The following IQCH variants were observed in gnomAD, a reference collection of about 807,000 sequenced individuals.
IQCH encodes IQ motif containing H.
In IQCH, 98 loss-of-function variants were observed where a neutral mutation model predicts 117.0. The observed-to-expected ratio is 0.84, with a 90% CI of 0.71 to 0.99. The LOEUF (loss-of-function observed/expected upper bound fraction) is 0.99. Among genes scored for constraint, IQCH ranks in the 50% least tolerant of loss-of-function variants. The pLI is 0.00. For missense variants in IQCH, 1,102 were observed against 1,243.8 expected (o/e 0.89, Z 1.72); for synonymous variants, 412 against 448.2 (o/e 0.92, Z 1.02).
At position 67,386,613 on chromosome 15, in the gene IQCH, G is replaced by A. The variant is rs760634888; in HGVS notation, c.1456+1594G>A. 1.3e-5 allele frequency among the ~76,000 whole-genome samples: 2 copies of A among 151,840 alleles called. No homozygotes were observed. Among genetic ancestry groups the A allele is most frequent in the African/African-American group, 2.4e-5 (1 of 41,326 alleles). On this transcript the variant is annotated intron_variant, in intron 11 of 20. Coordinates refer to ENST00000335894, the MANE Select transcript of IQCH (RefSeq NM_001031715.3). The surrounding 1 kb of genome is among the most constrained non-coding windows in gnomAD (Gnocchi z 5.0). Reference sequence around the variant, plus strand: ...TCCCCTATGGTTTTTCTTCTTATTCGGGGGAAACAAAGATAATCCAGTCAC... The same window carrying A: ...TCCCCTATGGTTTTTCTTCTTATTCAGGGGAAACAAAGATAATCCAGTCAC...
Position 67,448,354 on chromosome 15 carries a change from C to T in IQCH, c.2506-16773C>T, listed in dbSNP as rs892663214. 2.6e-5 allele frequency among the ~76,000 whole-genome samples: 4 copies of T among 151,004 alleles called. No homozygotes were observed. The South Asian group carries it at 8.5e-4, about 32-fold the overall frequency. On this transcript the variant is annotated intron_variant, in intron 16 of 20. Coordinates refer to ENST00000335894, the MANE Select transcript of IQCH (RefSeq NM_001031715.3). ...TCATCATTTAGCATTAAGTATATCT[C>T]CTAATGCTATCCCTCCCCCCGCCCC...
intron 4 of IQCH, among the ~76,000 whole-genome samples, chr15:67,325,782 A>G (rs1968379968): frequency 6.6e-6 from 1 of 152,150 alleles, no homozygotes; most frequent in Non-Finnish European, 1.5e-5. Flanking sequence ...ATTTAAAATT[A>G]TAATTTTCAT....
intron 3 of IQCH, among the ~76,000 whole-genome samples, chr15:67,268,815 A>G (rs1036628136): frequency 6.6e-6 from 1 of 152,178 alleles, no homozygotes; most frequent in Non-Finnish European, 1.5e-5. Flanking sequence ...AAGCATGCAT[A>G]ACAAGATGTT....
chr15:67,292,901 A>T (rs1209300412), intron 4 of IQCH, among the ~76,000 whole-genome samples: 1 of 152,120 alleles, frequency 6.6e-6, no homozygotes, highest in African/African-American at 2.4e-5. Context: ...TCTGTTATCC[A>T]TTGCATCTGA....
In IQCH at chr15:67,465,150, C is replaced by T; in HGVS notation, c.2529C>T (p.Leu843=). Residue 843 remains leucine (L), a synonymous_variant, in exon 17 of 21, where the codon CTC becomes CTT. Coordinates refer to ENST00000335894, the MANE Select transcript of IQCH (RefSeq NM_001031715.3). This position sits in a 1 kb window ranked among gnomAD's most constrained non-coding sequence, Gnocchi z 5.9. ...AGGTGTGGGCAACCGGCCTTAACCT[C>T]GCATATAGTGACCAGCTGGCCCTGA... ...EQQVWATGLN[L]AYSDQLALTQ... 1.2e-6 allele frequency: 2 copies of T among 1,614,142 alleles called. No individual in the cohort carries two copies. The highest frequency in any genetic ancestry group is 2.2e-5 in the East Asian group (1 of 44,892).
chr15:67,434,629 G>A (rs758712079), intron 16 of IQCH, among the ~76,000 whole-genome samples: 4 of 152,168 alleles, frequency 2.6e-5, no homozygotes, highest in African/African-American at 9.7e-5. Context: ...AGTGGGATTG[G>A]TGGATCATAT....
chr15:67,282,768 A>C (rs1479004915), intron 4 of IQCH, among the ~76,000 whole-genome samples: 1 of 152,198 alleles, frequency 6.6e-6, no homozygotes, highest in Non-Finnish European at 1.5e-5. Flanking sequence ...GGTAAACCCC[A>C]GTCACTTCTT....
rs554400594 is a variant in IQCH, at chr15:67,302,673, A to G, written c.387+23161A>G. 2.7e-4 allele frequency among the ~76,000 whole-genome samples: 41 copies of G among 152,328 alleles called. No homozygotes were observed. In the South Asian group the frequency reaches 8.5e-3, roughly 32 times the overall value. ...GGAGTTCGAGACCAGCCTGACCAAC[A>G]TGGTGAAACCCTGTCTCTACTAAAA... On this transcript the variant is annotated intron_variant, in intron 4 of 20. Coordinates refer to ENST00000335894, the MANE Select transcript of IQCH (RefSeq NM_001031715.3).
At position 67,426,767 on chromosome 15, in the gene IQCH, A is replaced by G. The variant is rs2081901797; in HGVS notation, c.2505+5190A>G. On this transcript the variant is annotated intron_variant, in intron 16 of 20. Transcript: ENST00000335894. The surrounding 1 kb of genome is among the most constrained non-coding windows in gnomAD (Gnocchi z 5.1). ...GGCAGGAGAATTGCTTGAGCTCAGG[A>G]GTTCAATACCAGCCTGGGCAACATA... 6.6e-6 allele frequency among the ~76,000 whole-genome samples: 1 copy of G among 152,152 alleles called. No individual in the cohort carries two copies. The highest frequency in any genetic ancestry group is 2.4e-5 in the African/African-American group (1 of 41,444).
intron 9 of IQCH, 42 bp downstream of exon 9, chr15:67,372,704 A>G: frequency 2.0e-6 from 3 of 1,511,442 alleles, no homozygotes; most frequent in Non-Finnish European, 2.7e-6. Context: ...CTCTTTTTCT[A>G]AACATTTCGT....
rs916474107 is a variant in IQCH at position 67,426,342 on chromosome 15, A to G, written c.2505+4765A>G. Among the ~76,000 whole-genome samples the G allele has an allele frequency of 1.3e-5, 2 of 152,324 alleles. No individual in the cohort carries two copies. The highest frequency in any genetic ancestry group is 3.4e-3 in the Middle Eastern group (1 of 294). On this transcript the variant is annotated intron_variant, in intron 16 of 20. Transcript: ENST00000335894. The surrounding 1 kb of genome is among the most constrained non-coding windows in gnomAD (Gnocchi z 5.1). ...ATATCTATCAAGTGTTTATATTATA[A>G]AACCATGAGTTCCTGCCAGCATCTC... is the stretch of plus-strand genomic sequence containing the variant.
intron 4 of IQCH, among the ~76,000 whole-genome samples, chr15:67,286,403 C>T (rs889019559): frequency 1.3e-5 from 2 of 152,016 alleles, no homozygotes; most frequent in African/African-American, 4.8e-5. Context: ...TTCTTCATTT[C>T]CAATTTGGAT....
At chr15:67,412,086 T>C (rs1301148938) in intron 14 of IQCH, among the ~76,000 whole-genome samples, 1 of 152,138 alleles carries the variant, frequency 6.6e-6, no homozygotes, top group African/African-American at 2.4e-5. Flanking sequence ...CTGATGGGAA[T>C]TGCCCTAGAG....
rs747787960 is a variant in IQCH, at chr15:67,395,384, G to A, written c.1726G>A (p.Val576Ile). The change falls in exon 13 of 21, where the codon GTC becomes ATC. Residue 576 changes from valine to isoleucine, a missense_variant. By Grantham distance (29) the Val-to-Ile change is conservative. Around this residue, in one of 2 missense-constraint regions of IQCH, gnomAD observed 650 missense variants for 794.3 expected, o/e 0.82. Transcript: ENST00000335894. This position sits in a 1 kb window ranked among gnomAD's most constrained non-coding sequence, Gnocchi z 4.0. ...NLIRGTEAYI[V>I]SGLLHRDDLA... ...CATCCGAGGAACAGAGGCCTACATC[G>A]TCAGCGGGCTCCTCCACAGAGATGA... 7.4e-6 allele frequency: 12 copies of A among 1,613,926 alleles called. No homozygotes were observed. Among genetic ancestry groups the A allele is most frequent in the African/African-American group, 6.7e-5 (5 of 74,914 alleles).
intron 16 of IQCH, among the ~76,000 whole-genome samples, chr15:67,455,491 T>C (rs903436118): frequency 3.3e-5 from 5 of 152,216 alleles, no homozygotes; most frequent in African/African-American, 4.8e-5. Flanking sequence ...TTGTTCTTTA[T>C]TTAAAAATTC....
rs939547531 is a variant in IQCH, at chr15:67,496,950, G to A, written c.2970+2584G>A. 1.3e-5 allele frequency among the ~76,000 whole-genome samples: 2 copies of A among 149,092 alleles called. No individual in the cohort carries two copies. Among genetic ancestry groups the A allele is most frequent in the Non-Finnish European group, 3.0e-5 (2 of 67,242 alleles). On this transcript the variant is annotated intron_variant, in intron 20 of 20. Coordinates refer to ENST00000335894, the MANE Select transcript of IQCH (RefSeq NM_001031715.3). The surrounding 1 kb of genome is among the most constrained non-coding windows in gnomAD (Gnocchi z 4.4). The stretch of plus-strand genomic sequence containing the variant: ...GGAGAATGGCGTGAACCCGGGAAGC[G>A]GAGCTTGCAGTGAGCCGAGATTGCG...
intron 4 of IQCH, among the ~76,000 whole-genome samples, chr15:67,297,880 C>T (rs1197968151): frequency 6.6e-6 from 1 of 151,960 alleles, no homozygotes; most frequent in African/African-American, 2.4e-5. Context: ...AAAAAGAAAC[C>T]ATCAACAAAG....
At chr15:67,409,951 G>C (rs1002359662) in intron 14 of IQCH, among the ~76,000 whole-genome samples, 2 of 152,168 alleles carry the variant, frequency 1.3e-5, no homozygotes, top group African/African-American at 4.8e-5. Context: ...AGTAGGTGTG[G>C]GAAGTAGTTT....
chr15:67,438,957 T>A (rs1341460444), intron 16 of IQCH, among the ~76,000 whole-genome samples: 6 of 152,156 alleles, frequency 3.9e-5, no homozygotes, highest in African/African-American at 1.4e-4. Context: ...GCAATAATAG[T>A]TGGGGACTTC....
Sources: gnomAD v4.1 joint callset for allele counts (sites outside exome capture counted in the v4.1 genomes callset) on GRCh38, gnomAD v4.1.1 for gene constraint, gnomAD v4.1.1 regional missense constraint, Gnocchi (gnomAD v3.1) non-coding constraint, MANE v1.5 for transcripts, NCBI Gene and HGNC (gene_info 2026-07-23, HGNC 2026-07-21) for gene names.